Variants in ZNF525 observed in about 807,000 individuals in gnomAD.
ZNF525 encodes zinc finger protein 525.
A neutral mutation model predicts 37.6 loss-of-function variants in ZNF525; 33 were observed. The observed-to-expected ratio is 0.88, with a 90% CI of 0.67 to 1.17. The LOEUF (loss-of-function observed/expected upper bound fraction) is 1.17, where lower values mean the gene tolerates loss of function less well. Among genes scored for constraint, ZNF525 ranks in the 50% most tolerant of loss-of-function variants. The probability of loss-of-function intolerance (pLI) is 0.00; values close to 1 mark genes in which losing one functional copy is unlikely to be tolerated. For missense variants in ZNF525, 449 were observed against 543.1 expected (o/e 0.83, Z 1.72); for synonymous variants, 170 against 182.3 (o/e 0.93, Z 0.54).
At chr19:53,367,324 T>TAA (rs202066843) in intron 1 of ZNF525, among the ~76,000 whole-genome samples, 179 of 151,186 alleles carry the variant, frequency 1.2e-3, no homozygotes, top group African/African-American at 4.2e-3. Flanking sequence ...TTTTTTTTTT[T>TAA]AAATTTCTGC....
chr19:53,373,779 G>A lies in ZNF525; in HGVS notation c.15+1483G>A, dbSNP rs949904771. ...GGAGGTTGCAGTGAGATGAGATTGT[G>A]CCACTGCACTCCAGCCTGGGCACAG... On this transcript the variant is annotated intron_variant, in intron 2 of 3. Transcript: ENST00000474037. Among the ~76,000 whole-genome samples the A allele has an allele frequency of 2.0e-5, 3 of 151,028 alleles. No homozygotes were observed. In the South Asian group the frequency reaches 6.3e-4, roughly 32 times the overall value.
At position 53,369,248 on chromosome 19, in the gene ZNF525, C is replaced by T. The variant is rs1162769794; in HGVS notation, c.-67-2967C>T. ...TGAGTAGATTGTCTATGTACAAGTT[C>T]TTTTTTTTTTTGAGCTGGAGTTTTG... On this transcript the variant is annotated intron_variant, in intron 1 of 3. Transcript: ENST00000474037. 2.7e-5 allele frequency among the ~76,000 whole-genome samples: 4 copies of T among 147,514 alleles called. No individual in the cohort carries two copies. The South Asian group carries it at 6.4e-4, about 24-fold the overall frequency.
chr19:53,377,479 CT>C (rs2085530319), intron 3 of ZNF525, among the ~76,000 whole-genome samples: 1 of 147,158 alleles, frequency 6.8e-6, no homozygotes, highest in Non-Finnish European at 1.5e-5. Flanking sequence ...CCCGGCCTAT[CT>C]GTCTTTTTAT....
At chr19:53,366,525 A>G (rs999352400) in intron 1 of ZNF525, among the ~76,000 whole-genome samples, 7 of 139,102 alleles carry the variant, frequency 5.0e-5, no homozygotes, top group Admixed American at 3.2e-4. Context: ...GGATTTGCCA[A>G]GAGACAGCAA....
chr19:53,380,641 T>G (rs1214671500), intron 3 of ZNF525, 81 bp from the exon 4 acceptor site: 1 of 704,508 alleles, frequency 1.4e-6, no homozygotes, highest in Non-Finnish European at 2.4e-6. Context: ...GATTTTGTGT[T>G]CCTAAACTTT....
At chr19:53,375,650 G>A (rs1402363077) in intron 2 of ZNF525, 120 bp from the exon 3 acceptor site, 72 of 1,603,244 alleles carry the variant, frequency 4.5e-5, no homozygotes, top group Non-Finnish European at 5.6e-5. Flanking sequence ...CCCCTTACTC[G>A]GATTTGTCAG....
At chr19:53,378,466 A>C (rs2085536711) in intron 3 of ZNF525, among the ~76,000 whole-genome samples, 1 of 152,160 alleles carries the variant, frequency 6.6e-6, no homozygotes, top group South Asian at 2.1e-4. Flanking sequence ...AGGCGGGAGA[A>C]TCTCTTGAGG....
chr19:53,377,929 G>A (rs2085533687), intron 3 of ZNF525, among the ~76,000 whole-genome samples: 1 of 152,134 alleles, frequency 6.6e-6, no homozygotes, highest in African/African-American at 2.4e-5. Flanking sequence ...TATAGTACAG[G>A]CCCTAAACTT....
Position 53,383,899 on chromosome 19 carries a change from C to T in ZNF525, c.*1880C>T. The T allele has an allele frequency of 1.6e-6, 1 of 641,998 alleles. No individual in the cohort carries two copies. 39.8% of individuals were successfully genotyped at this position (641,998 alleles called of 1,614,324 possible). ...GAATTCATACAGGAGAGAAACCTCA[C>T]AAGTGTGATGATCGTGGCAAAGCCT... On this transcript the variant is annotated 3_prime_UTR_variant, in exon 4 of 4. Transcript: ENST00000474037.
intron 1 of ZNF525, among the ~76,000 whole-genome samples, chr19:53,366,827 A>G (rs2085450829): frequency 7.2e-6 from 1 of 138,732 alleles, no homozygotes; most frequent in Non-Finnish European, 1.5e-5. Context: ...AGAGAATTTA[A>G]CGGGGAGAGC....
At position 53,382,280 on chromosome 19, in the gene ZNF525, A is replaced by G. The variant is rs2085572041; in HGVS notation, c.*261A>G. The G allele has an allele frequency of 5.5e-6, 8 of 1,450,610 alleles. No homozygotes were observed. The highest frequency in any genetic ancestry group is 6.8e-6 in the Non-Finnish European group (7 of 1,032,064). The allele number at this position is 1,450,610 out of a possible 1,614,324, so 89.9% of individuals were successfully genotyped here. On this transcript the variant is annotated 3_prime_UTR_variant, in exon 4 of 4. Coordinates refer to ENST00000474037, the MANE Select transcript of ZNF525 (RefSeq NM_001348156.2). ...CCTTCAGTCATACATCATCCCTTAC[A>G]TGCCATCATAGACTTCATACTGGAG...
chr19:53,380,218 G>A (rs944531527), intron 3 of ZNF525, among the ~76,000 whole-genome samples: 13 of 151,812 alleles, frequency 8.6e-5, no homozygotes, highest in Non-Finnish European at 1.5e-4. Flanking sequence ...ACCCTTGCGA[G>A]TAGCTGGGAG....
chr19:53,377,455 T>C (rs777221069), intron 3 of ZNF525, among the ~76,000 whole-genome samples: 25 of 151,534 alleles, frequency 1.6e-4, no homozygotes, highest in Non-Finnish European at 3.2e-4. Flanking sequence ...GAATTACAGG[T>C]TTGAAAAACT....
At chr19:53,376,426 A>C in intron 3 of ZNF525, 1 of 614,284 alleles carries the variant, frequency 1.6e-6, no homozygotes, top group Non-Finnish European at 2.9e-6. Context: ...TTTTTGTTAC[A>C]TATTATCTGT....
intron 2 of ZNF525, among the ~76,000 whole-genome samples, chr19:53,374,783 C>T (rs2147068148): frequency 6.6e-6 from 1 of 152,228 alleles, no homozygotes; most frequent in Admixed American, 6.5e-5. Context: ...GTATTAACAT[C>T]TAGTTTTTTT....
At chr19:53,373,820 CA>C (rs34058383) in intron 2 of ZNF525, among the ~76,000 whole-genome samples, 87 of 143,470 alleles carry the variant, frequency 6.1e-4, no homozygotes, top group African/African-American at 1.2e-3. Flanking sequence ...GACTTCGTCT[CA>C]AAAAAAAAAA....
At chr19:53,380,661 G>T (rs2085552628) in intron 3 of ZNF525, 61 bp from the exon 4 acceptor site, 1 of 813,896 alleles carries the variant, frequency 1.2e-6, no homozygotes, top group Non-Finnish European at 1.9e-6. Context: ...TGAAGATCAT[G>T]TTTGGGAAGT....
At position 53,381,310 on chromosome 19, in the gene ZNF525, A is replaced by G. The variant is rs747939095; in HGVS notation, c.731A>G (p.Lys244Arg). The G allele has an allele frequency of 6.7e-7, 1 of 1,490,078 alleles. No individual in the cohort carries two copies. The highest frequency in any genetic ancestry group is 1.4e-5 in the African/African-American group (1 of 72,532). The allele number at this position is 1,490,078 out of a possible 1,614,324, so 92.3% of individuals were successfully genotyped here. The change falls in exon 4 of 4, where the codon AAA (lysine) becomes AGA (arginine). Residue 244 changes from lysine (K) to arginine (R), a missense_variant. By Grantham distance (26) the Lys-to-Arg change is conservative. Around this residue, in one of 2 missense-constraint regions of ZNF525, gnomAD observed 271 missense variants for 381.6 expected, o/e 0.71. Coordinates refer to ENST00000474037, the MANE Select transcript of ZNF525 (RefSeq NM_001348156.2). ...QIIHLGEKQY[K>R]CDVCDKVFIR... ...ATTCATCTAGGAGAGAAACAATATA[A>G]ATGTGATGTATGTGACAAGGTCTTT...
At chr19:53,378,770 C>T (rs899872301) in intron 3 of ZNF525, among the ~76,000 whole-genome samples, 2 of 152,144 alleles carry the variant, frequency 1.3e-5, no homozygotes, top group African/African-American at 4.8e-5. Context: ...GTCCTATTCA[C>T]GAGTAGTCAA....
Sources: allele counts gnomAD v4.1 joint callset (sites outside exome capture counted in the v4.1 genomes callset), GRCh38; gene constraint gnomAD v4.1.1; regional missense constraint gnomAD v4.1.1; transcripts MANE v1.5; gene names NCBI Gene and HGNC (gene_info 2026-07-23, HGNC 2026-07-21).